Variants in PHIP observed in about 807,000 individuals in gnomAD.
The protein encoded by PHIP is PH-interacting protein.
In PHIP, 54 loss-of-function variants were observed where a neutral mutation model predicts 236.8. The observed-to-expected ratio is 0.23, with a 90% CI of 0.18 to 0.29. The LOEUF (loss-of-function observed/expected upper bound fraction) is 0.29, where lower values mean the gene tolerates loss of function less well. Ranked by LOEUF, PHIP falls within the 10% of genes least tolerant of loss-of-function variation. The pLI is 1.00. For missense variants in PHIP, 1,370 were observed against 2,190.8 expected, an observed-to-expected ratio of 0.63 and a Z score of 7.48; for synonymous variants, 756 against 718.9, an observed-to-expected ratio of 1.05 and a Z score of -0.83.
Position 78,941,192 on chromosome 6 carries a change from T to G in PHIP, c.4967A>C (p.His1656Pro), listed in dbSNP as rs1175983530. Reference protein sequence around the residue: ...EVNTNSGEIIHKKRGRKPKKL... With the variant: ...EVNTNSGEIIPKKRGRKPKKL... Reference sequence around the variant, plus strand: ...TTTGGGCTTTCTACCCCTTTTCTTGTGTATAATTTCACCACTATTGGTATT... The same window carrying G: ...TTTGGGCTTTCTACCCCTTTTCTTGGGTATAATTTCACCACTATTGGTATT... The change falls in exon 40 of 40, where the codon CAC becomes CCC. Residue 1656 changes from histidine (H) to proline (P), a missense_variant. Physicochemically the swap from His to Pro is moderately conservative, Grantham distance 77 (BLOSUM62 -2). Transcript: ENST00000275034. The G allele has an allele frequency of 1.2e-6, 2 of 1,614,092 alleles. No homozygotes were observed. The highest frequency in any genetic ancestry group is 1.7e-6 in the Non-Finnish European group (2 of 1,179,970).
chr6:79,017,100 A>C (rs1472166623), intron 12 of PHIP, among the ~76,000 whole-genome samples: 1 of 151,996 alleles, frequency 6.6e-6, no homozygotes, highest in Non-Finnish European at 1.5e-5. Context: ...TTTGAAACAT[A>C]TCTGGAATAT....
intron 6 of PHIP, among the ~76,000 whole-genome samples, chr6:79,049,072 T>C (rs1287063943): frequency 6.6e-6 from 1 of 151,528 alleles, no homozygotes; most frequent in Non-Finnish European, 1.5e-5. Flanking sequence ...TGACTAGTTT[T>C]ACTTTTTTTT....
intron 7 of PHIP, among the ~76,000 whole-genome samples, chr6:79,037,796 C>G (rs1772015010): frequency 6.6e-6 from 1 of 152,160 alleles, no homozygotes; most frequent in Non-Finnish European, 1.5e-5. Context: ...ATTTTTATAT[C>G]TCAAATTGCT....
chr6:79,021,182 T>C (rs781717629), intron 9 of PHIP, among the ~76,000 whole-genome samples: 4 of 152,306 alleles, frequency 2.6e-5, no homozygotes, highest in Admixed American at 6.5e-5. Flanking sequence ...AGGCTCACTC[T>C]GTCACCCAGG....
Position 78,965,729 on chromosome 6 carries a change from C to T in PHIP, c.3353G>A (p.Trp1118Ter). ...ATTATTAGGTATAAGCTCCATATCC[C>T]AAGGACTCATCTTTTCTGTATCTCC... is the stretch of plus-strand genomic sequence containing the variant. ...DNGDTEKMSP[W>*]DMELIPNNAV... is the part of the protein sequence containing the mutation. Residue 1118 changes from tryptophan to a stop codon, truncating the protein, a stop_gained, in exon 29 of 40, where the codon TGG (tryptophan) becomes TAG (stop). Transcript: ENST00000275034. LOFTEE classifies it high-confidence loss of function. The T allele has an allele frequency of 6.3e-7, 1 of 1,575,960 alleles. No individual in the cohort carries two copies. Among genetic ancestry groups the T allele is most frequent in the Non-Finnish European group, 8.7e-7 (1 of 1,148,466 alleles).
intron 21 of PHIP, among the ~76,000 whole-genome samples, 167 bp downstream of exon 21, chr6:78,988,042 C>T (rs1197348868): frequency 6.6e-6 from 1 of 152,036 alleles, no homozygotes; most frequent in Non-Finnish European, 1.5e-5. Context: ...TGTATGTGTG[C>T]CATGCCTAGA....
intron 6 of PHIP, among the ~76,000 whole-genome samples, chr6:79,058,022 T>C (rs1582299913): frequency 1.3e-5 from 2 of 152,104 alleles, no homozygotes; most frequent in East Asian, 3.9e-4. Flanking sequence ...AAAAAATATA[T>C]GTAAATACAA....
intron 39 of PHIP, among the ~76,000 whole-genome samples, chr6:78,943,918 A>G (rs1228081319): frequency 6.8e-6 from 1 of 148,002 alleles, no homozygotes; most frequent in Admixed American, 6.9e-5. Context: ...CCGGCAAGGC[A>G]GAGGTTGCAG....
intron 6 of PHIP, among the ~76,000 whole-genome samples, chr6:79,044,168 T>G (rs1197583413): frequency 1.3e-5 from 2 of 152,064 alleles, no homozygotes; most frequent in Non-Finnish European, 2.9e-5. Flanking sequence ...TCCTAAGCAG[T>G]AATATTTCAA....
intron 32 of PHIP, 89 bp downstream of exon 32, chr6:78,958,386 T>C: frequency 1.2e-6 from 1 of 869,150 alleles, no homozygotes; most frequent in Non-Finnish European, 1.8e-6. Flanking sequence ...TGTTTCTTCT[T>C]TACAAACAGT....
At chr6:79,075,815 C>G (rs897994211) in intron 4 of PHIP, among the ~76,000 whole-genome samples, 3 of 152,016 alleles carry the variant, frequency 2.0e-5, no homozygotes, top group Non-Finnish European at 4.4e-5. Flanking sequence ...GATGTAAAAG[C>G]AGATGCAAAG....
chr6:78,992,207 C>G lies in PHIP; in HGVS notation c.2202-1222G>C, dbSNP rs184038280. On this transcript the variant is annotated intron_variant, in intron 19 of 39. Coordinates refer to ENST00000275034, the MANE Select transcript of PHIP (RefSeq NM_017934.7). The stretch of plus-strand genomic sequence containing the variant: ...TCGATCTCCTGACCTCGTGATCCCC[C>G]CCACCTCGGCCTCCCAAAGTGCTGG... Among the ~76,000 whole-genome samples, 514 of 152,180 alleles carry G rather than the reference C, an allele frequency of 3.4e-3. 2 individuals carry two copies. Among genetic ancestry groups the G allele is most frequent in the African/African-American group, 0.011 (449 of 41,524 alleles).
At chr6:79,071,224 T>G (rs1275159462) in intron 4 of PHIP, among the ~76,000 whole-genome samples, 1 of 152,244 alleles carries the variant, frequency 6.6e-6, no homozygotes, top group Non-Finnish European at 1.5e-5. Context: ...TTGCCTTCTC[T>G]GTAGTAACTT....
chr6:79,041,691 A>G (rs1336238575), intron 7 of PHIP, among the ~76,000 whole-genome samples: 3 of 152,114 alleles, frequency 2.0e-5, no homozygotes, highest in Non-Finnish European at 4.4e-5. Flanking sequence ...TACTGTAGGT[A>G]TGTCAGGCAC....
chr6:79,077,748 G>A lies in PHIP; in HGVS notation c.100-19C>T, dbSNP rs1774254927. On this transcript the variant is annotated intron_variant, in intron 2 of 39. Transcript: ENST00000275034. ...TCAGCACCTGCAACAACAAAGCGGG[G>A]AGAGCTGAGCCCCGCGCCCCGGGCC... The A allele has an allele frequency of 9.0e-6, 9 of 1,002,792 alleles. No homozygotes were observed. Among genetic ancestry groups the A allele is most frequent in the South Asian group, 4.0e-5 (1 of 25,050 alleles). 62.1% of individuals were successfully genotyped at this position (1,002,792 alleles called of 1,614,324 possible).
At chr6:79,043,311 C>T (rs1424096603) in intron 6 of PHIP, among the ~76,000 whole-genome samples, 63 of 151,998 alleles carry the variant, frequency 4.1e-4, no homozygotes. Flanking sequence ...CTGGCTAGTG[C>T]TCTTTAAAAA....
intron 23 of PHIP, among the ~76,000 whole-genome samples, chr6:78,979,918 C>A (rs1437430678): frequency 1.3e-5 from 2 of 151,952 alleles, no homozygotes; most frequent in Non-Finnish European, 2.9e-5. Context: ...TAGTAGTTGT[C>A]ATTTTCCTCT....
At chr6:79,055,539 CAA>C (rs1773025784) in intron 6 of PHIP, among the ~76,000 whole-genome samples, 2 of 152,168 alleles carry the variant, frequency 1.3e-5, no homozygotes, top group South Asian at 4.1e-4. Flanking sequence ...CTCTCTTCCA[CAA>C]TAAAAGAATC....
chr6:79,046,420 T>C (rs767542527), intron 6 of PHIP, among the ~76,000 whole-genome samples: 1 of 152,200 alleles, frequency 6.6e-6, no homozygotes, highest in Non-Finnish European at 1.5e-5. Context: ...CTATCACTTA[T>C]TACCAGACCT....
Sources: gnomAD v4.1 joint callset for allele counts (sites outside exome capture counted in the v4.1 genomes callset) on GRCh38, gnomAD v4.1.1 for gene constraint, MANE v1.5 for transcripts, NCBI Gene and HGNC (gene_info 2026-07-23, HGNC 2026-07-21) for gene names.